The following CREB3L2 variants were observed in gnomAD, a reference collection of about 807,000 sequenced individuals.
The protein encoded by CREB3L2 is cAMP responsive element binding protein 3 like 2, also known as cyclic AMP-responsive element-binding protein 3-like protein 2.
In CREB3L2, 23 loss-of-function variants were observed where a neutral mutation model predicts 57.2. The observed-to-expected ratio is 0.40, with a 90% CI of 0.29 to 0.57. The LOEUF (loss-of-function observed/expected upper bound fraction) is 0.57, where lower values mean the gene tolerates loss of function less well. CREB3L2 is among the 20% of genes least tolerant of loss of function. The pLI, the probability that CREB3L2 is intolerant of heterozygous loss-of-function variation, is 0.42. For synonymous variants in CREB3L2, 268 were observed against 265.1 expected (o/e 1.01, Z -0.11); for missense variants, 628 against 634.7 (o/e 0.99, Z 0.11).
intron 1 of CREB3L2, among the ~76,000 whole-genome samples, chr7:137,999,389 C>CACACAA (rs1296697109): frequency 1.4e-5 from 2 of 142,018 alleles, no homozygotes; most frequent in African/African-American, 6.1e-5. Flanking sequence ...TACACACACA[C>CACACAA]ACACACACAC....
intron 3 of CREB3L2, among the ~76,000 whole-genome samples, chr7:137,914,640 A>T (rs1800087627): frequency 6.6e-6 from 1 of 152,124 alleles, no homozygotes; most frequent in Non-Finnish European, 1.5e-5. Context: ...TCAAAAAAAA[A>T]AGTAATAAAT....
chr7:137,875,501 C>T lies in CREB3L2; in HGVS notation c.*4975G>A, dbSNP rs182725243. 1 of 223,746 alleles carries T rather than the reference C, an allele frequency of 4.5e-6. No individual in the cohort carries two copies. Among genetic ancestry groups the T allele is most frequent in the Admixed American group, 5.7e-5 (1 of 17,434 alleles). 13.9% of individuals were successfully genotyped at this position (223,746 alleles called of 1,614,324 possible). On this transcript the variant is annotated 3_prime_UTR_variant, in exon 12 of 12. Coordinates refer to ENST00000330387, the MANE Select transcript of CREB3L2 (RefSeq NM_194071.4). ...GGTTTTCCTTTCCCCAGATGTAAAGCCTGCTAGCTGGAACTCACAGAAGAT... is the reference window on the plus strand; with the variant it reads ...GGTTTTCCTTTCCCCAGATGTAAAGTCTGCTAGCTGGAACTCACAGAAGAT...
intron 1 of CREB3L2, among the ~76,000 whole-genome samples, chr7:137,977,963 G>A (rs1175371136): frequency 6.6e-6 from 1 of 150,696 alleles, no homozygotes; most frequent in Non-Finnish European, 1.5e-5. Flanking sequence ...GGAGGGGAGG[G>A]GAGGGGAGGG....
intron 1 of CREB3L2, chr7:137,933,698 G>C (rs2117248855): frequency 1.3e-5 from 2 of 152,358 alleles, no homozygotes; most frequent in Middle Eastern, 6.8e-3. Flanking sequence ...CAAGAATTTA[G>C]CAAGGTGGTG....
At chr7:137,931,990 TC>T (rs1800654083) in intron 1 of CREB3L2, among the ~76,000 whole-genome samples, 1 of 152,224 alleles carries the variant, frequency 6.6e-6, no homozygotes, top group Non-Finnish European at 1.5e-5. Context: ...ATTCCCTTCA[TC>T]CCTCTCAAAG....
At position 137,905,845 on chromosome 7, in the gene CREB3L2, G is replaced by A. The variant is rs376192760; in HGVS notation, c.772C>T (p.Leu258=). The A allele has an allele frequency of 3.1e-6, 5 of 1,608,686 alleles. No homozygotes were observed. Among genetic ancestry groups the A allele is most frequent in the Non-Finnish European group, 4.2e-6 (5 of 1,177,986 alleles). ...SSPLLTAPHK[L]QGSGPLVLTE... The stretch of plus-strand genomic sequence containing the variant: ...AGGACCAGAGGGCCTGATCCCTGCA[G>A]TTTCTGTGCAGACCAAGGAGCAGAA... The change falls in exon 6 of 12, where the codon CTG becomes TTG. Residue 258 remains leucine (L), a synonymous_variant. Coordinates refer to ENST00000330387, the MANE Select transcript of CREB3L2 (RefSeq NM_194071.4).
intron 4 of CREB3L2, among the ~76,000 whole-genome samples, chr7:137,912,088 C>T (rs530920380): frequency 6.6e-6 from 1 of 152,086 alleles, no homozygotes; most frequent in African/African-American, 2.4e-5. Context: ...AGAAATATAA[C>T]AACCTTGGCC....
chr7:137,957,410 A>G (rs1452537792), intron 1 of CREB3L2, among the ~76,000 whole-genome samples: 1 of 152,178 alleles, frequency 6.6e-6, no homozygotes, highest in East Asian at 1.9e-4. Context: ...AGGCAAATAA[A>G]CACTTGAGAA....
intron 8 of CREB3L2, among the ~76,000 whole-genome samples, chr7:137,901,128 C>G (rs1375049443): frequency 6.6e-6 from 1 of 152,138 alleles, no homozygotes; most frequent in Non-Finnish European, 1.5e-5. Context: ...AACATGAGAG[C>G]ATGTGTGCAT....
intron 1 of CREB3L2, among the ~76,000 whole-genome samples, chr7:137,985,462 C>T (rs1801777317): frequency 2.0e-5 from 3 of 152,280 alleles, no homozygotes; most frequent in South Asian, 2.1e-4. Flanking sequence ...GGATGGAGAG[C>T]GCTTCAGCTT....
intron 1 of CREB3L2, among the ~76,000 whole-genome samples, chr7:137,982,913 G>A (rs1201498363): frequency 1.3e-5 from 2 of 152,132 alleles, no homozygotes; most frequent in Admixed American, 1.3e-4. Flanking sequence ...AGAAGATGCT[G>A]TCTCTACCAC....
chr7:137,891,992 T>C (rs1013161980), intron 8 of CREB3L2, among the ~76,000 whole-genome samples: 1 of 152,158 alleles, frequency 6.6e-6, no homozygotes, highest in African/African-American at 2.4e-5. Flanking sequence ...TGTAAACTAT[T>C]CCCTGGGTAA....
chr7:137,885,274 AGC>A, intron 9 of CREB3L2, 127 bp downstream of exon 9: 1 of 1,171,614 alleles, frequency 8.5e-7, no homozygotes, highest in African/African-American at 1.5e-5. Context: ...ACCGAGGAAC[AGC>A]CTCAGAGTGG....
At chr7:137,982,352 TA>T (rs1312559880) in intron 1 of CREB3L2, among the ~76,000 whole-genome samples, 1 of 152,140 alleles carries the variant, frequency 6.6e-6, no homozygotes, top group Non-Finnish European at 1.5e-5. Context: ...TTGGGAACCT[TA>T]TGAAACTCTA....
chr7:137,996,220 T>C (rs915733055), intron 1 of CREB3L2, among the ~76,000 whole-genome samples: 13 of 152,244 alleles, frequency 8.5e-5, no homozygotes, highest in African/African-American at 2.9e-4. Context: ...TGTTAAATCT[T>C]ACTAACACTA....
At chr7:137,939,845 G>A (rs1447322260) in intron 1 of CREB3L2, among the ~76,000 whole-genome samples, 2 of 152,164 alleles carry the variant, frequency 1.3e-5, no homozygotes, top group African/African-American at 2.4e-5. Context: ...GAGGCCCAGC[G>A]GGGCTTTTTG....
intron 1 of CREB3L2, among the ~76,000 whole-genome samples, chr7:138,000,636 G>A (rs1469312139): frequency 1.3e-5 from 2 of 152,072 alleles, no homozygotes; most frequent in Admixed American, 1.3e-4. Context: ...AAAGCGTGAA[G>A]GGGAAGCAGC....
chr7:137,887,734 G>A (rs566441161), intron 8 of CREB3L2, among the ~76,000 whole-genome samples: 6 of 151,908 alleles, frequency 3.9e-5, no homozygotes, highest in East Asian at 1.9e-4. Flanking sequence ...ATTTCTATGC[G>A]TTTCTATCTA....
chr7:137,946,932 A>G lies in CREB3L2; in HGVS notation c.103-18566T>C, dbSNP rs1247280845. Among the ~76,000 whole-genome samples the G allele has an allele frequency of 3.5e-5, 4 of 114,006 alleles. 1 individual carries two copies. Among genetic ancestry groups the G allele is most frequent in the Admixed American group, 9.7e-5 (1 of 10,306 alleles). The allele number at this position is 114,006 out of a possible 152,430, so 74.8% of individuals were successfully genotyped here. On this transcript the variant is annotated intron_variant, in intron 1 of 11. Transcript: ENST00000330387. ...TATAGTTATATATATAGTTATATAT[A>G]TAGTTATATATATAGTTATATATAT...
Sources: allele counts gnomAD v4.1 joint callset (sites outside exome capture counted in the v4.1 genomes callset), GRCh38; gene constraint gnomAD v4.1.1; transcripts MANE v1.5; gene names NCBI Gene and HGNC (gene_info 2026-07-23, HGNC 2026-07-21).